RBBP7: variants seen among roughly 807,000 people sequenced by gnomAD.
RBBP7 encodes the protein histone-binding protein RBBP7.
A neutral mutation model predicts 35.2 loss-of-function variants in RBBP7; 5 were observed. The observed-to-expected ratio is 0.14, with a 90% CI of 0.07 to 0.30. The LOEUF is 0.30. Ranked by LOEUF, RBBP7 falls within the 10% of genes least tolerant of loss-of-function variation. The probability of loss-of-function intolerance (pLI) is 1.00; values close to 1 mark genes in which losing one functional copy is unlikely to be tolerated. For synonymous variants in RBBP7, 140 were observed against 118.7 expected (o/e 1.18, Z -1.17); for missense variants, 155 against 327.5 (o/e 0.47, Z 4.07).
At chrX:16,860,611 T>C (rs1214717183) in intron 3 of RBBP7, among the ~76,000 whole-genome samples, 1 of 106,027 alleles carries the variant, frequency 9.4e-6, no homozygotes, top group Non-Finnish European at 1.9e-5. Context: ...GAGGCAGAGG[T>C]TGCAGTGAGC....
chrX:16,866,275 C>T (rs1223395496), intron 2 of RBBP7, among the ~76,000 whole-genome samples: 1 of 110,227 alleles, frequency 9.1e-6, no homozygotes, highest in African/African-American at 3.3e-5. Context: ...CACCTGTAAT[C>T]CCAGCACTCT....
chrX:16,869,253 G>T, intron 1 of RBBP7, 33 bp from the exon 2 acceptor site: 1 of 1,187,624 alleles, frequency 8.4e-7, no homozygotes, highest in South Asian at 1.9e-5. Flanking sequence ...ACGATTAAGT[G>T]GCTGAGATAG....
chrX:16,869,784 G>A (rs1260034857), intron 1 of RBBP7: 54 of 937,840 alleles, frequency 5.8e-5, no homozygotes, highest in Non-Finnish European at 6.9e-5. Context: ...GCCGGAGGGA[G>A]CGCAGCCGCT....
intron 6 of RBBP7, chrX:16,853,365 A>C: frequency 5.4e-6 from 1 of 186,576 alleles, no homozygotes; most frequent in Non-Finnish European, 9.9e-6. Flanking sequence ...TCACATGTCC[A>C]TACCTAGTTT....
Position 16,869,648 on chromosome X carries a change from G to C in RBBP7, c.16+390C>G, listed in dbSNP as rs1217350047. 6.8e-5 allele frequency: 76 copies of C among 1,122,940 alleles called. 1 individual carries two copies. In the East Asian group the frequency reaches 2.7e-3, roughly 39 times the overall value. 92.5% of individuals were successfully genotyped at this position (1,122,940 alleles called of 1,213,427 possible). On this transcript the variant is annotated intron_variant, in intron 1 of 11. Transcript: ENST00000380087. ...CGCCCGCCTCGGCAGCCATAGGCCT[G>C]AGGACCCCAGCAACCCCCGGACAAG... is the stretch of plus-strand genomic sequence containing the variant.
chrX:16,845,139 C>T (rs1374511904), intron 11 of RBBP7, 36 bp from the exon 12 acceptor site: 1 of 1,016,885 alleles, frequency 9.8e-7, no homozygotes, highest in South Asian at 2.0e-5. Context: ...GGTAAAAACT[C>T]CCTATGGTTT....
intron 1 of RBBP7, 134 bp from the exon 2 acceptor site, chrX:16,869,354 G>A: frequency 9.5e-7 from 1 of 1,053,918 alleles, no homozygotes; most frequent in Non-Finnish European, 1.3e-6. Context: ...ACAACTAACT[G>A]CTCTTCCAGA....
At chrX:16,866,912 C>A (rs779172942) in intron 2 of RBBP7, among the ~76,000 whole-genome samples, 1 of 111,716 alleles carries the variant, frequency 9.0e-6, no homozygotes, top group South Asian at 3.7e-4. Context: ...ACAACCCAAT[C>A]CCACAACAGC....
intron 7 of RBBP7, 23 bp from the exon 8 acceptor site, chrX:16,852,651 A>C: frequency 8.3e-7 from 1 of 1,208,763 alleles, no homozygotes; most frequent in Non-Finnish European, 1.1e-6. Context: ...AACAAGTGAA[A>C]ATGATTTCTA....
chrX:16,847,901 G>A (rs1043338862), intron 10 of RBBP7: 6 of 111,023 alleles, frequency 5.4e-5, no homozygotes, highest in African/African-American at 2.0e-4. Flanking sequence ...TTGATTTCAA[G>A]CTCTCTTGTA....
intron 2 of RBBP7, among the ~76,000 whole-genome samples, chrX:16,868,844 G>A (rs1437163960): frequency 8.9e-6 from 1 of 111,956 alleles, no homozygotes; most frequent in East Asian, 2.8e-4. Flanking sequence ...AATATATTCA[G>A]TGCTTCCTCC....
In RBBP7 at chrX:16,870,222, T is replaced by G. The variant is rs1488454588; in HGVS notation, c.-169A>C. The G allele has an allele frequency of 3.1e-6, 2 of 650,948 alleles. No individual in the cohort carries two copies. The highest frequency in any genetic ancestry group is 3.8e-6 in the Non-Finnish European group (2 of 525,237). 53.6% of individuals were successfully genotyped at this position (650,948 alleles called of 1,213,427 possible). On this transcript the variant is annotated 5_prime_UTR_variant, in exon 1 of 12. Coordinates refer to ENST00000380087, the MANE Select transcript of RBBP7 (RefSeq NM_002893.4). ...TGCTCCCCAGACGCCGCGTCCTTCT[T>G]TCCTGCCTCCTCCCCGCTCGCGGGT...
chrX:16,867,682 T>G (rs931183972), intron 2 of RBBP7, among the ~76,000 whole-genome samples: 3 of 111,003 alleles, frequency 2.7e-5, no homozygotes, highest in African/African-American at 9.8e-5. Flanking sequence ...AATAATTATT[T>G]TTATTTTTAA....
intron 9 of RBBP7, among the ~76,000 whole-genome samples, chrX:16,849,852 T>A (rs1434070714): frequency 8.9e-6 from 1 of 112,368 alleles, no homozygotes; most frequent in African/African-American, 3.2e-5. Context: ...TACAAATCAG[T>A]ACTATAGATC....
intron 10 of RBBP7, 159 bp downstream of exon 10, chrX:16,849,085 G>A (rs1930154764): frequency 7.7e-6 from 3 of 389,728 alleles, no homozygotes; most frequent in Admixed American, 9.8e-5. Flanking sequence ...TACTATTTTT[G>A]ATAAATGTCA....
chrX:16,865,932 C>T (rs1930604002), intron 2 of RBBP7, among the ~76,000 whole-genome samples: 1 of 112,223 alleles, frequency 8.9e-6, no homozygotes, highest in African/African-American at 3.2e-5. Context: ...CCAATACATA[C>T]TCTTACTGAC....
At chrX:16,870,001 G>A (rs1156679243) in intron 1 of RBBP7, 37 bp downstream of exon 1, 2 of 777,516 alleles carry the variant, frequency 2.6e-6, no homozygotes, top group Non-Finnish European at 3.1e-6. Context: ...GCCGCCCCCC[G>A]CGGCCCCGGC....
intron 3 of RBBP7, among the ~76,000 whole-genome samples, chrX:16,862,494 T>A (rs1422178507): frequency 9.0e-6 from 1 of 111,171 alleles, no homozygotes; most frequent in Non-Finnish European, 1.9e-5. Context: ...ACTTAATTTA[T>A]CTTGGATACC....
chrX:16,849,611 G>T (rs1930168815), intron 9 of RBBP7, among the ~76,000 whole-genome samples: 1 of 111,883 alleles, frequency 8.9e-6, no homozygotes, highest in African/African-American at 3.3e-5. Context: ...TATATTTGGT[G>T]TAAGGACGGG....
Sources: gnomAD v4.1 joint callset for allele counts (sites outside exome capture counted in the v4.1 genomes callset) on GRCh38, gnomAD v4.1.1 for gene constraint, MANE v1.5 for transcripts, NCBI Gene and HGNC (gene_info 2026-07-23, HGNC 2026-07-21) for gene names.